Variants in KIAA1549L observed in about 807,000 individuals in gnomAD.
KIAA1549L encodes the protein UPF0606 protein KIAA1549L.
A neutral mutation model predicts 160.7 loss-of-function variants in KIAA1549L; 88 were observed. The observed-to-expected ratio is 0.55, with a 90% confidence interval of 0.46 to 0.65. KIAA1549L has a LOEUF of 0.65. Ranked by LOEUF, KIAA1549L falls within the 30% of genes least tolerant of loss-of-function variation. The pLI, the probability that KIAA1549L is intolerant of heterozygous loss-of-function variation, is 0.00. For missense variants in KIAA1549L, 2,258 were observed against 2,437.5 expected, an observed-to-expected ratio of 0.93 and a Z score of 1.55; for synonymous variants, 950 against 976.7, an observed-to-expected ratio of 0.97 and a Z score of 0.51.
chr11:33,451,805 C>A (rs1466892646), intron 1 of KIAA1549L, among the ~76,000 whole-genome samples: 1 of 152,216 alleles, frequency 6.6e-6, no homozygotes, highest in African/African-American at 2.4e-5. Flanking sequence ...CCCCCTTGAA[C>A]AAGTCCCTAA....
intron 6 of KIAA1549L, 38 bp from the exon 7 acceptor site, chr11:33,559,711 G>A: frequency 6.3e-7 from 1 of 1,589,568 alleles, no homozygotes. Context: ...GGTCTTATTT[G>A]GCCTGTCTCC....
At chr11:33,593,093 G>T (rs949145572) in intron 12 of KIAA1549L, among the ~76,000 whole-genome samples, 1 of 152,144 alleles carries the variant, frequency 6.6e-6, no homozygotes, top group African/African-American at 2.4e-5. Context: ...TGTCATTGGG[G>T]GGTTTTGAGA....
At chr11:33,600,323 G>T (rs1850322680) in intron 13 of KIAA1549L, among the ~76,000 whole-genome samples, 1 of 152,160 alleles carries the variant, frequency 6.6e-6, no homozygotes, top group Admixed American at 6.5e-5. Context: ...GGAGTCAGAG[G>T]TGCTCTAGAT....
intron 1 of KIAA1549L, among the ~76,000 whole-genome samples, chr11:33,522,177 T>C (rs1267290949): frequency 2.6e-5 from 4 of 152,218 alleles, no homozygotes; most frequent in African/African-American, 9.7e-5. Context: ...GCTTGAAAAT[T>C]ATTACTTAAA....
At chr11:33,393,854 C>T (rs1850318046) in intron 1 of KIAA1549L, among the ~76,000 whole-genome samples, 1 of 152,192 alleles carries the variant, frequency 6.6e-6, no homozygotes. Context: ...GGGTCTTGCA[C>T]ATACATAGTA....
rs1853377157 is a variant in KIAA1549L at position 33,517,590 on chromosome 11, C to T, written c.239-24212C>T. Reference sequence around the variant, plus strand: ...GGTTCATATAGACTGAATTAAACTCCTTTATGTCATTATTATTAATGTTTA... The same window carrying T: ...GGTTCATATAGACTGAATTAAACTCTTTTATGTCATTATTATTAATGTTTA... On this transcript the variant is annotated intron_variant, in intron 1 of 20. Transcript: ENST00000658780. Among the ~76,000 whole-genome samples the T allele has an allele frequency of 2.0e-5, 3 of 152,242 alleles. 1 individual carries two copies. In the South Asian group the frequency reaches 6.2e-4, roughly 32 times the overall value.
At chr11:33,392,533 A>G (rs1393042120) in intron 1 of KIAA1549L, among the ~76,000 whole-genome samples, 1 of 152,194 alleles carries the variant, frequency 6.6e-6, no homozygotes. Flanking sequence ...TTACAAATGT[A>G]TACACCTGTG....
chr11:33,505,709 GCA>G (rs1334257795), intron 1 of KIAA1549L, among the ~76,000 whole-genome samples: 4 of 152,110 alleles, frequency 2.6e-5, no homozygotes, highest in Non-Finnish European at 5.9e-5. Context: ...GGTTAATGTA[GCA>G]ATATTTGTAA....
intron 3 of KIAA1549L, among the ~76,000 whole-genome samples, chr11:33,546,389 C>T (rs1854262869): frequency 6.6e-6 from 1 of 152,194 alleles, no homozygotes; most frequent in South Asian, 2.1e-4. Flanking sequence ...CCCTCAGAGG[C>T]AGAAGTTGGA....
At chr11:33,609,193 G>A (rs1850583379) in intron 14 of KIAA1549L, among the ~76,000 whole-genome samples, 1 of 152,230 alleles carries the variant, frequency 6.6e-6, no homozygotes, top group East Asian at 1.9e-4. Flanking sequence ...CTCAAGAAAG[G>A]CATGGATTTA....
Position 33,626,021 on chromosome 11 carries a change from T to C in KIAA1549L, c.5409+7359T>C, listed in dbSNP as rs1851102096. Among the ~76,000 whole-genome samples the C allele has an allele frequency of 2.0e-5, 3 of 150,692 alleles. No homozygotes were observed. In the South Asian group the frequency reaches 6.3e-4, roughly 31 times the overall value. ...GCACCATTTATTAAATAGGGAATCC[T>C]TTCCCCGTTGCTTGTTTTTCTCAGG... On this transcript the variant is annotated intron_variant, in intron 16 of 20. Coordinates refer to ENST00000658780, the MANE Select transcript of KIAA1549L (RefSeq NM_012194.3).
At chr11:33,511,002 A>C (rs2065038) in intron 1 of KIAA1549L, among the ~76,000 whole-genome samples, 108,893 of 152,196 alleles carry the variant, frequency 0.72, 39,648 homozygotes, top group African/African-American at 0.86. Flanking sequence ...TTTCCTCTAC[A>C]TTCTTTCCAA....
intron 1 of KIAA1549L, among the ~76,000 whole-genome samples, chr11:33,429,568 G>A (rs1404530053): frequency 6.6e-6 from 1 of 152,104 alleles, no homozygotes; most frequent in Admixed American, 6.5e-5. Flanking sequence ...TGTTCTCCGT[G>A]GAGCTGCTTT....
intron 18 of KIAA1549L, among the ~76,000 whole-genome samples, chr11:33,657,146 A>C (rs1038082782): frequency 1.9e-4 from 25 of 131,902 alleles, no homozygotes; most frequent in African/African-American, 6.2e-4. Flanking sequence ...GGAACAAGCA[A>C]GCAGAGAGGG....
intron 1 of KIAA1549L, among the ~76,000 whole-genome samples, chr11:33,501,147 C>T (rs574713398): frequency 2.0e-5 from 3 of 152,242 alleles, no homozygotes; most frequent in South Asian, 2.1e-4. Context: ...AGGGCAAAGG[C>T]GACTGAAGCT....
At position 33,487,585 on chromosome 11, in the gene KIAA1549L, T is replaced by C. The variant is rs142504837; in HGVS notation, c.239-54217T>C. On this transcript the variant is annotated intron_variant, in intron 1 of 20. Transcript: ENST00000658780. ...CTTTTCTGCCTTGCCTTCAGAAGTT[T>C]GTGAGCTGAAACATCGATTCGTACT... Among the ~76,000 whole-genome samples, 620 of 152,182 alleles carry C rather than the reference T, an allele frequency of 4.1e-3. 4 individuals carry two copies. Among genetic ancestry groups the C allele is most frequent in the Non-Finnish European group, 6.0e-3 (411 of 67,994 alleles).
chr11:33,604,942 C>T (rs1246751341), intron 13 of KIAA1549L, among the ~76,000 whole-genome samples: 1 of 152,064 alleles, frequency 6.6e-6, no homozygotes, highest in South Asian at 2.1e-4. Flanking sequence ...ACCCCAAAAG[C>T]TATTGAAGTT....
chr11:33,520,317 C>T (rs1853451594), intron 1 of KIAA1549L, among the ~76,000 whole-genome samples: 1 of 152,118 alleles, frequency 6.6e-6, no homozygotes, highest in Non-Finnish European at 1.5e-5. Flanking sequence ...CTAGTAACCA[C>T]TATTCTACTC....
chr11:33,563,081 G>T (rs1045672736), intron 8 of KIAA1549L, among the ~76,000 whole-genome samples: 7 of 151,862 alleles, frequency 4.6e-5, no homozygotes, highest in Non-Finnish European at 1.0e-4. Context: ...GGACAGGCCG[G>T]GTGTGATGGC....
Sources: allele counts gnomAD v4.1 joint callset (sites outside exome capture counted in the v4.1 genomes callset), GRCh38; gene constraint gnomAD v4.1.1; transcripts MANE v1.5; gene names NCBI Gene and HGNC (gene_info 2026-07-23, HGNC 2026-07-21).